The following MYO16 variants were observed in gnomAD, a reference collection of about 807,000 sequenced individuals.
MYO16 encodes the protein unconventional myosin-XVI.
A neutral mutation model predicts 205.3 loss-of-function variants in MYO16; 94 were observed. The ratio of observed to expected loss-of-function variants is 0.46; its 90% confidence interval spans 0.39 to 0.54. The LOEUF (loss-of-function observed/expected upper bound fraction) is 0.54. MYO16 is among the 20% of genes least tolerant of loss of function. The pLI, the probability that MYO16 is intolerant of heterozygous loss-of-function variation, is 0.00. For synonymous variants in MYO16, 988 were observed against 954.0 expected (o/e 1.04, Z -0.66); for missense variants, 2,315 against 2,387.5 (o/e 0.97, Z 0.63).
the MYO16 span, among the ~76,000 whole-genome samples, chr13:108,584,082 T>A: frequency 6.6e-6 from 1 of 152,094 alleles, no homozygotes; most frequent in African/African-American, 2.4e-5. Context: ...GCCTCCCAAG[T>A]ATCTGGGACT....
chr13:108,617,730 C>A lies in MYO16; in HGVS notation c.-39+21491C>A, dbSNP rs114682023. On this transcript the variant is annotated intron_variant, in intron 1 of 24. Coordinates refer to the MYO16 transcript ENST00000251041. ...TTCTCTAATACCAGCAAACGCTGTG[C>A]ATAGCAGAAGCCCTGCACACATAAC... Among the ~76,000 whole-genome samples, 571 of 152,280 alleles carry A rather than the reference C, an allele frequency of 3.7e-3. 4 individuals carry two copies. The highest frequency in any genetic ancestry group is 0.013 in the African/African-American group (557 of 41,572).
chr13:108,675,195 G>A (rs1882148202), intron 2 of MYO16, among the ~76,000 whole-genome samples: 1 of 152,158 alleles, frequency 6.6e-6, no homozygotes, highest in Non-Finnish European at 1.5e-5. Flanking sequence ...AGACAAAAAG[G>A]GTGAGTTTTC....
intron 34 of MYO16, among the ~76,000 whole-genome samples, chr13:109,189,246 G>T (rs942990830): frequency 2.0e-5 from 3 of 152,110 alleles, no homozygotes; most frequent in African/African-American, 7.2e-5. Context: ...CAGATCAAGG[G>T]TGGGTCTGCC....
chr13:108,550,551 T>C, the MYO16 span, among the ~76,000 whole-genome samples: 1 of 152,256 alleles, frequency 6.6e-6, no homozygotes, highest in East Asian at 1.9e-4. Context: ...TATTCTGGTT[T>C]GTATTCCTTG....
chr13:109,159,462 A>G (rs932626959), intron 32 of MYO16, among the ~76,000 whole-genome samples: 7 of 152,246 alleles, frequency 4.6e-5, no homozygotes, highest in African/African-American at 1.7e-4. Flanking sequence ...CTATAGCAAC[A>G]TTATTAAAAC....
the MYO16 span, among the ~76,000 whole-genome samples, chr13:108,557,682 T>C: frequency 2.0e-5 from 3 of 152,256 alleles, no homozygotes; most frequent in Admixed American, 2.0e-4. Flanking sequence ...ATGGTATGTG[T>C]ATTATAAAAC....
rs188791749 is a variant in MYO16 at position 109,019,292 on chromosome 13, A to G, written c.2596-419A>G. ...TGCAACCAGCTTTGCCATAATTTTT[A>G]TGACTTAACATCACGATAAGCTTTA... On this transcript the variant is annotated intron_variant, in intron 22 of 34. Coordinates refer to ENST00000457511, the MANE Select transcript of MYO16 (RefSeq NM_001198950.3). Among the ~76,000 whole-genome samples the G allele has an allele frequency of 1.3e-3, 192 of 152,206 alleles. 2 individuals are homozygous for G. Among genetic ancestry groups the G allele is most frequent in the Admixed American group, 5.9e-3 (90 of 15,262 alleles).
At chr13:109,018,973 TG>T (rs1407156826) in intron 22 of MYO16, among the ~76,000 whole-genome samples, 2 of 140,264 alleles carry the variant, frequency 1.4e-5, no homozygotes, top group Non-Finnish European at 3.1e-5. Context: ...TTTTTTTTTT[TG>T]TTTTTTTTTT....
At chr13:108,589,020 C>T in the MYO16 span, among the ~76,000 whole-genome samples, 7 of 152,050 alleles carry the variant, frequency 4.6e-5, no homozygotes, top group South Asian at 2.1e-4. Flanking sequence ...TCTATGTGAT[C>T]GTGGAATAGA....
intron 21 of MYO16, among the ~76,000 whole-genome samples, chr13:109,001,759 A>G (rs1885220529): frequency 6.6e-6 from 1 of 152,154 alleles, no homozygotes; most frequent in Non-Finnish European, 1.5e-5. Context: ...TTCAAGTCCC[A>G]AAGAAGTCCT....
intron 9 of MYO16, among the ~76,000 whole-genome samples, chr13:108,825,684 C>G (rs1468757545): frequency 2.0e-5 from 3 of 151,864 alleles, no homozygotes; most frequent in South Asian, 2.1e-4. Context: ...ATAGAAAATT[C>G]TAAGGAATTT....
chr13:108,500,684 G>A, the MYO16 span, among the ~76,000 whole-genome samples: 1 of 152,042 alleles, frequency 6.6e-6, no homozygotes, highest in Non-Finnish European at 1.5e-5. Context: ...GGACTGCCCC[G>A]GATCCAATCT....
At chr13:108,997,752 C>T (rs978936039) in intron 21 of MYO16, among the ~76,000 whole-genome samples, 10 of 152,126 alleles carry the variant, frequency 6.6e-5, no homozygotes, top group Non-Finnish European at 1.0e-4. Flanking sequence ...GCAGGAGAAT[C>T]GCTTGAAACC....
chr13:108,756,943 C>T (rs375299760), intron 4 of MYO16, among the ~76,000 whole-genome samples: 3 of 152,138 alleles, frequency 2.0e-5, no homozygotes. Context: ...TGGCTTAATA[C>T]GACAACTTGC....
chr13:108,694,748 GT>G (rs1426347694), intron 2 of MYO16, among the ~76,000 whole-genome samples: 2 of 151,746 alleles, frequency 1.3e-5, no homozygotes, highest in African/African-American at 4.8e-5. Flanking sequence ...TTGTTCTTTT[GT>G]GCTTGTGTTG....
chr13:108,623,885 C>G (rs1879630313), intron 1 of MYO16, among the ~76,000 whole-genome samples: 1 of 151,792 alleles, frequency 6.6e-6, no homozygotes, highest in South Asian at 2.1e-4. Context: ...GCTGGATTGA[C>G]TGGTACATGA....
chr13:108,565,696 G>C, the MYO16 span, among the ~76,000 whole-genome samples: 103 of 152,122 alleles, frequency 6.8e-4, 1 homozygote, highest in African/African-American at 2.1e-3. Context: ...GATTGCTCTA[G>C]CTAGACCTTC....
chr13:108,584,371 A>G, the MYO16 span, among the ~76,000 whole-genome samples: 2 of 152,216 alleles, frequency 1.3e-5, no homozygotes, highest in Admixed American at 1.3e-4. Context: ...TAAAAATTGC[A>G]CATATCTATG....
chr13:108,831,867 A>T (rs1876639347), intron 9 of MYO16, among the ~76,000 whole-genome samples: 1 of 152,216 alleles, frequency 6.6e-6, no homozygotes, highest in Non-Finnish European at 1.5e-5. Flanking sequence ...TCAAAGGCCC[A>T]GAAGATCTGG....
Sources: allele counts gnomAD v4.1 joint callset (sites outside exome capture counted in the v4.1 genomes callset), GRCh38; gene constraint gnomAD v4.1.1; transcripts MANE v1.5; gene names NCBI Gene and HGNC (gene_info 2026-07-23, HGNC 2026-07-21).